The following EMILIN2 variants were observed in gnomAD, a reference collection of about 807,000 sequenced individuals.
The protein encoded by EMILIN2 is EMILIN-2.
Under a neutral mutation model 87.1 loss-of-function variants are expected in EMILIN2, and 71 were observed. That is an observed-to-expected ratio of 0.82 (90% CI 0.67 to 0.99). The LOEUF is 0.99. Among genes scored for constraint, EMILIN2 ranks in the 50% least tolerant of loss-of-function variants. The pLI, the probability that EMILIN2 is intolerant of heterozygous loss-of-function variation, is 0.00. For missense variants in EMILIN2, 1,407 were observed against 1,371.8 expected (o/e 1.03, Z -0.40); for synonymous variants, 581 against 563.4 (o/e 1.03, Z -0.44).
At chr18:2,875,275 C>T (rs559204291) in intron 2 of EMILIN2, among the ~76,000 whole-genome samples, 4 of 152,274 alleles carry the variant, frequency 2.6e-5, no homozygotes, top group Admixed American at 1.3e-4. Context: ...CACAAGTCCA[C>T]GGAGGGAGGG....
At chr18:2,860,943 G>C (rs1241525287) in intron 2 of EMILIN2, among the ~76,000 whole-genome samples, 8 of 152,204 alleles carry the variant, frequency 5.3e-5, no homozygotes, top group Non-Finnish European at 1.2e-4. Context: ...ACTGGTGTGA[G>C]ATGGTATCTC....
Position 2,906,765 on chromosome 18 carries a change from C to A in EMILIN2, c.2360-18C>A. Reference sequence around the variant, plus strand: ...GTTTCCTAATCCCGTGTGTTTCTTTCTCCCCGACGCCCGGCAGAGGCGCCC... The same window carrying A: ...GTTTCCTAATCCCGTGTGTTTCTTTATCCCCGACGCCCGGCAGAGGCGCCC... On this transcript the variant is annotated intron_variant, in intron 4 of 7. Coordinates refer to ENST00000254528, the MANE Select transcript of EMILIN2 (RefSeq NM_032048.3). 7.0e-6 allele frequency: 9 copies of A among 1,277,080 alleles called. No homozygotes were observed. The highest frequency in any genetic ancestry group is 8.9e-6 in the Non-Finnish European group (9 of 1,015,898). The allele number at this position is 1,277,080 out of a possible 1,614,324, so 79.1% of individuals were successfully genotyped here. A position where few individuals can be genotyped will look rare whatever the true frequency, so the allele number is the denominator to read the frequency against.
rs770307260 is a variant in EMILIN2 at position 2,913,156 on chromosome 18, G to A, written c.2914G>A (p.Val972Ile). 2 of 1,613,980 alleles carry A rather than the reference G, an allele frequency of 1.2e-6. No homozygotes were observed. Among genetic ancestry groups the A allele is most frequent in the Non-Finnish European group, 1.7e-6 (2 of 1,180,018 alleles). ...CGCCTACGTGGAAGCAGTGCTGTCG[G>A]TCTCCAACGCCAGCGTGGCCCAGCT... is the stretch of plus-strand genomic sequence containing the variant. ...RDAYVEAVLS[V>I]SNASVAQLHT... Residue 972 changes from valine (V) to isoleucine (I), a missense_variant, in exon 8 of 8, where the codon GTC becomes ATC. Val to Ile is a conservative substitution (Grantham distance 29). Transcript: ENST00000254528.
chr18:2,892,462 C>G lies in EMILIN2; in HGVS notation c.2335C>G (p.Leu779Val), dbSNP rs750218671. The G allele has an allele frequency of 6.3e-7, 1 of 1,599,348 alleles. No individual in the cohort carries two copies. The highest frequency in any genetic ancestry group is 8.5e-7 in the Non-Finnish European group (1 of 1,169,688). ...VFQISTDLQDLVKFQPSAKAP... is the reference protein window; with the variant it reads ...VFQISTDLQDVVKFQPSAKAP... ...CCAGATTTCTACTGATTTGCAAGAT[C>G]TGGTCAAATTTCAGCCATCAGCAAG... Residue 779 changes from leucine to valine, a missense_variant, in exon 4 of 8, where the codon CTG (leucine) becomes GTG (valine). By Grantham distance (32) the Leu-to-Val change is conservative. Coordinates refer to ENST00000254528, the MANE Select transcript of EMILIN2 (RefSeq NM_032048.3).
rs754692434 is a variant in EMILIN2, at chr18:2,891,213, C to T, written c.1086C>T (p.Tyr362=). The change falls in exon 4 of 8, where the codon TAC becomes TAT. Residue 362 remains tyrosine (Y), a synonymous_variant. Transcript: ENST00000254528. The surrounding 1 kb of genome is among the most constrained non-coding windows in gnomAD (Gnocchi z 4.6). ...QQQCDDYGSS[Y]LGVIELIGEK... The stretch of plus-strand genomic sequence containing the variant: ...AGTGTGATGACTATGGGAGCAGCTA[C>T]CTGGGAGTGATAGAGCTCATAGGGG... 35 of 1,614,178 alleles carry T rather than the reference C, an allele frequency of 2.2e-5. No homozygotes were observed. In the South Asian group the frequency reaches 3.5e-4, roughly 16 times the overall value.
At chr18:2,893,967 G>A (rs1383173873) in intron 4 of EMILIN2, among the ~76,000 whole-genome samples, 2 of 152,156 alleles carry the variant, frequency 1.3e-5, no homozygotes, top group Admixed American at 1.3e-4. Context: ...GGCCTGCTTT[G>A]TGCTAGAAGG....
At chr18:2,869,786 TTGTG>T (rs777623155) in intron 2 of EMILIN2, among the ~76,000 whole-genome samples, 43 of 59,148 alleles carry the variant, frequency 7.3e-4, no homozygotes, top group African/African-American at 1.1e-3. Flanking sequence ...GTGTGTGTGT[TTGTG>T]TGTGTGTGTG....
Position 2,847,382 on chromosome 18 carries a change from G to C in EMILIN2, c.134+60G>C. On this transcript the variant is annotated intron_variant, in intron 1 of 7. Coordinates refer to ENST00000254528, the MANE Select transcript of EMILIN2 (RefSeq NM_032048.3). The surrounding 1 kb of genome is among the most constrained non-coding windows in gnomAD (Gnocchi z 4.5). ...CTACCCCTCCCCGGCCCCCAGTTGAGCCCCAGAGCTGCCCTGCCAAAGACG... is the reference window on the plus strand; with the variant it reads ...CTACCCCTCCCCGGCCCCCAGTTGACCCCCAGAGCTGCCCTGCCAAAGACG... The C allele has an allele frequency of 8.0e-7, 1 of 1,254,768 alleles. No individual in the cohort carries two copies. Among genetic ancestry groups the C allele is most frequent in the Non-Finnish European group, 1.0e-6 (1 of 995,760 alleles). 77.7% of individuals were successfully genotyped at this position (1,254,768 alleles called of 1,614,324 possible).
In EMILIN2 at chr18:2,894,999, C is replaced by A. The variant is rs67278605; in HGVS notation, c.2359+2513C>A. Among the ~76,000 whole-genome samples, 9,910 of 152,166 alleles carry A rather than the reference C, an allele frequency of 0.065. 397 individuals carry two copies. Among genetic ancestry groups the A allele is most frequent in the Middle Eastern group, 0.1 (30 of 294 alleles). On this transcript the variant is annotated intron_variant, in intron 4 of 7. Coordinates refer to ENST00000254528, the MANE Select transcript of EMILIN2 (RefSeq NM_032048.3). The surrounding 1 kb of genome is among the most constrained non-coding windows in gnomAD (Gnocchi z 5.0). ...GCAATCACAGTGGGAAAGAGACTCACAGGTCTGCAGAGAGATGAATGAGAT... is the reference window on the plus strand; with the variant it reads ...GCAATCACAGTGGGAAAGAGACTCAAAGGTCTGCAGAGAGATGAATGAGAT...
rs750981743 is a variant in EMILIN2 at position 2,890,518 on chromosome 18, G to T, written c.434-43G>T. ...ATTGTCTTGGCAGAATCTGGCTAAA[G>T]GTAGAAAATGTTCATTCATGTCCAA... On this transcript the variant is annotated intron_variant, in intron 3 of 7. Transcript: ENST00000254528. The surrounding 1 kb of genome is among the most constrained non-coding windows in gnomAD (Gnocchi z 4.7). The T allele has an allele frequency of 1.3e-6, 2 of 1,517,360 alleles. No homozygotes were observed. Among genetic ancestry groups the T allele is most frequent in the Admixed American group, 2.2e-5 (1 of 45,140 alleles). The allele number at this position is 1,517,360 out of a possible 1,614,324, so 94.0% of individuals were successfully genotyped here. A position where few individuals can be genotyped will look rare whatever the true frequency, so the allele number is the denominator to read the frequency against.
intron 2 of EMILIN2, among the ~76,000 whole-genome samples, chr18:2,858,547 A>ATATATATATATGTGTG (rs2076640492): frequency 2.1e-5 from 1 of 48,032 alleles, no homozygotes; most frequent in Admixed American, 2.1e-4. Context: ...ATATATATAT[A>ATATATATATATGTGTG]TATATATATA....
chr18:2,856,418 G>C (rs997422653), intron 2 of EMILIN2, among the ~76,000 whole-genome samples: 5 of 152,184 alleles, frequency 3.3e-5, no homozygotes, highest in African/African-American at 1.2e-4. Flanking sequence ...AGGTTAGCTA[G>C]ATGGTGGATG....
chr18:2,889,625 CT>C (rs2076823184), intron 3 of EMILIN2, among the ~76,000 whole-genome samples: 1 of 149,212 alleles, frequency 6.7e-6, no homozygotes, highest in Non-Finnish European at 1.5e-5. Flanking sequence ...GGATTTTTTC[CT>C]TGGTGTTTTC....
chr18:2,857,480 G>A (rs1323731571), intron 2 of EMILIN2, among the ~76,000 whole-genome samples: 2 of 152,210 alleles, frequency 1.3e-5, no homozygotes, highest in South Asian at 2.1e-4. Context: ...AGACCTAAAA[G>A]TGTTTTCTAA....
At chr18:2,900,805 A>G (rs4797090) in intron 4 of EMILIN2, among the ~76,000 whole-genome samples, 2 of 152,018 alleles carry the variant, frequency 1.3e-5, no homozygotes, top group Admixed American at 1.3e-4. Context: ...AGAGCAGTCA[A>G]CTGTGAAAGC....
At chr18:2,904,030 T>G (rs1332557583) in intron 4 of EMILIN2, among the ~76,000 whole-genome samples, 1 of 152,254 alleles carries the variant, frequency 6.6e-6, no homozygotes, top group Admixed American at 6.5e-5. Context: ...ATTTTATAAT[T>G]TTTTAAATAT....
chr18:2,864,613 TG>T (rs1448822992), intron 2 of EMILIN2, among the ~76,000 whole-genome samples: 1 of 152,244 alleles, frequency 6.6e-6, no homozygotes, highest in Non-Finnish European at 1.5e-5. Flanking sequence ...CTTCCCTTTG[TG>T]GGTAACCTGA....
chr18:2,907,527 A>G (rs915438044), intron 5 of EMILIN2, among the ~76,000 whole-genome samples: 5 of 152,348 alleles, frequency 3.3e-5, no homozygotes, highest in South Asian at 4.1e-4. Flanking sequence ...TTCAACCACA[A>G]AATGAGGAGA....
rs202238806 is a variant in EMILIN2 at position 2,913,084 on chromosome 18, T to C, written c.2842T>C (p.Tyr948His). The C allele has an allele frequency of 6.3e-4, 1,013 of 1,610,532 alleles. 19 individuals are homozygous for C. In the South Asian group the frequency reaches 0.01, roughly 17 times the overall value. Residue 948 changes from tyrosine (Y) to histidine (H), a missense_variant, in exon 8 of 8, where the codon TAT (tyrosine) becomes CAT (histidine). By Grantham distance (83) the Tyr-to-His change is moderately conservative. Transcript: ENST00000254528. ...NPSTGVFTAP[Y>H]DGRYLITATL... ...CCCCGCAGGGGTCTTCACGGCTCCT[T>C]ATGATGGGCGCTACCTGATCACGGC...
Sources: gnomAD v4.1 joint callset for allele counts (sites outside exome capture counted in the v4.1 genomes callset) on GRCh38, gnomAD v4.1.1 for gene constraint, Gnocchi (gnomAD v3.1) non-coding constraint, MANE v1.5 for transcripts, NCBI Gene and HGNC (gene_info 2026-07-23, HGNC 2026-07-21) for gene names.